Variants in ZFHX4 observed in about 807,000 individuals in gnomAD.
The protein encoded by ZFHX4 is zinc finger homeobox 4, also known as zinc finger homeobox protein 4.
In ZFHX4, 56 loss-of-function variants were observed where a neutral mutation model predicts 267.6. That is an observed-to-expected ratio of 0.21 (90% CI 0.17 to 0.26). ZFHX4 has a LOEUF of 0.26. ZFHX4 is among the 10% of genes least tolerant of loss of function. The pLI is 1.00. For synonymous variants in ZFHX4, 1,778 were observed against 1,665.6 expected, an observed-to-expected ratio of 1.07 and a Z score of -1.64; for missense variants, 4,332 against 4,420.0, an observed-to-expected ratio of 0.98 and a Z score of 0.56.
chr8:76,773,692 A>T (rs558227741), intron 3 of ZFHX4, among the ~76,000 whole-genome samples: 175 of 152,282 alleles, frequency 1.1e-3, no homozygotes, highest in African/African-American at 4.1e-3. Flanking sequence ...ATGTAAAGAT[A>T]TGACTTCACT....
rs751830740 is a variant in ZFHX4, at chr8:76,704,521, T to C, written c.433T>C (p.Ser145Pro). The stretch of plus-strand genomic sequence containing the variant: ...TGGGTCAGCATATATAATTGAGGAC[T>C]CCAAAGAAAGTGGGCAGAATGCACA... ...PDGSAYIIED[S>P]KESGQNAQTG... The change falls in exon 2 of 11, where the codon TCC becomes CCC. Residue 145 changes from serine (S) to proline (P), a missense_variant. Ser to Pro is a moderately conservative substitution (Grantham distance 74). Transcript: ENST00000651372. 8.7e-6 allele frequency: 14 copies of C among 1,613,952 alleles called. No individual in the cohort carries two copies. Among genetic ancestry groups the C allele is most frequent in the Non-Finnish European group, 1.2e-5 (14 of 1,179,888 alleles).
At chr8:76,693,014 A>G (rs2131586306) in intron 1 of ZFHX4, among the ~76,000 whole-genome samples, 1 of 152,338 alleles carries the variant, frequency 6.6e-6, no homozygotes, top group South Asian at 2.1e-4. Flanking sequence ...TAATTCATGT[A>G]GAGAAAGCAA....
In ZFHX4 at chr8:76,780,455, A is replaced by G. The variant is rs918497949; in HGVS notation, c.3325+2016A>G. 2.5e-4 allele frequency among the ~76,000 whole-genome samples: 38 copies of G among 152,190 alleles called. 1 individual carries two copies. Among genetic ancestry groups the G allele is most frequent in the Non-Finnish European group, 5.9e-5 (4 of 68,010 alleles). ...ATATCAGTAGGGAAAAATTCTTGTA[A>G]TAAGGATGATGTTTTAATAACCTAT... On this transcript the variant is annotated intron_variant, in intron 4 of 10. Transcript: ENST00000651372.
rs1229105284 is a variant in ZFHX4 at position 76,853,650 on chromosome 8, C to T, written c.6729C>T (p.Asp2243=). The T allele has an allele frequency of 2.5e-6, 4 of 1,613,566 alleles. No homozygotes were observed. The South Asian group carries it at 4.4e-5, about 18-fold the overall frequency. The stretch of plus-strand genomic sequence containing the variant: ...ACTACCAGCTTAGGGTTCTGCAAGA[C>T]TTTTTTGACACAAACGCTTACCCAA... The part of the protein sequence containing the change: ...FTDYQLRVLQ[D]FFDTNAYPKD... Residue 2243 remains aspartate, a synonymous_variant, in exon 10 of 11, where the codon GAC becomes GAT. Transcript: ENST00000651372.
chr8:76,818,546 C>T (rs559863201), intron 4 of ZFHX4, among the ~76,000 whole-genome samples: 61 of 152,196 alleles, frequency 4.0e-4, no homozygotes, highest in African/African-American at 1.3e-3. Flanking sequence ...AGGCAGAGAG[C>T]TCATTCAAAG....
At chr8:76,757,367 T>C (rs1454085276) in intron 3 of ZFHX4, among the ~76,000 whole-genome samples, 1 of 152,156 alleles carries the variant, frequency 6.6e-6, no homozygotes, top group Non-Finnish European at 1.5e-5. Context: ...TTGTGCCTAG[T>C]TGATTGAGGC....
rs74982915 is a variant in ZFHX4, at chr8:76,691,162, A to G, written c.-47+9542A>G. 1.6e-4 allele frequency among the ~76,000 whole-genome samples: 24 copies of G among 152,204 alleles called. No homozygotes were observed. The East Asian group carries it at 4.6e-3, about 29-fold the overall frequency. The stretch of plus-strand genomic sequence containing the variant: ...GTGGAGATGGTGAAGAGTTGGAAGG[A>G]AAAATGTGCATGATAACCTGTCTTC... On this transcript the variant is annotated intron_variant, in intron 1 of 10. Coordinates refer to ENST00000651372, the MANE Select transcript of ZFHX4 (RefSeq NM_024721.5).
intron 4 of ZFHX4, among the ~76,000 whole-genome samples, chr8:76,780,771 A>G (rs1810525888): frequency 3.3e-5 from 5 of 152,170 alleles, no homozygotes; most frequent in Admixed American, 3.3e-4. Context: ...AAACCCAAGA[A>G]GTAATTTACT....
At position 76,849,141 on chromosome 8, in the gene ZFHX4, T is replaced by C. The variant is rs1309799018; in HGVS notation, c.3645+13T>C. 4 of 1,542,470 alleles carry C rather than the reference T, an allele frequency of 2.6e-6. No individual in the cohort carries two copies. The highest frequency in any genetic ancestry group is 2.8e-5 in the African/African-American group (2 of 72,616). ...CTGTCATGAACAGGTAAATACTTTTTTTCCCCTTTACTGTGTAAATCTTTA... is the reference window on the plus strand; with the variant it reads ...CTGTCATGAACAGGTAAATACTTTTCTTCCCCTTTACTGTGTAAATCTTTA... On this transcript the variant is annotated intron_variant, in intron 7 of 10. Transcript: ENST00000651372.
Position 76,809,937 on chromosome 8 carries a change from A to G in ZFHX4, c.3326-23401A>G, listed in dbSNP as rs749247177. On this transcript the variant is annotated intron_variant, in intron 4 of 10. Coordinates refer to ENST00000651372, the MANE Select transcript of ZFHX4 (RefSeq NM_024721.5). ...AATTATATTTTTATTCCGAAGACCC[A>G]GTCAAAAATGCAAGTCCTATCATTA... Among the ~76,000 whole-genome samples the G allele has an allele frequency of 4.1e-4, 63 of 152,334 alleles. 1 individual carries two copies. The highest frequency in any genetic ancestry group is 3.5e-4 in the Non-Finnish European group (24 of 68,020).
At chr8:76,803,031 G>C (rs1811152874) in intron 4 of ZFHX4, among the ~76,000 whole-genome samples, 1 of 152,062 alleles carries the variant, frequency 6.6e-6, no homozygotes, top group South Asian at 2.1e-4. Context: ...GTGGCTCTGA[G>C]ACCGAAAAGT....
chr8:76,854,121 G>T lies in ZFHX4; in HGVS notation c.7200G>T (p.Glu2400Asp). 1 of 1,613,542 alleles carries T rather than the reference G, an allele frequency of 6.2e-7. No homozygotes were observed. ...PLIPSPKPEP[E>D]KTSPKPEYPA... is the part of the protein sequence containing the mutation. ...TTCCATCACCCAAACCAGAACCTGA[G>T]AAGACTTCTCCAAAACCTGAATATC... The change falls in exon 10 of 11, where the codon GAG becomes GAT. Residue 2400 changes from glutamate (E) to aspartate (D), a missense_variant. This residue lies in a region of ZFHX4 where 1,648 missense variants were observed against 1,625.0 expected (regional missense o/e 1.01). Coordinates refer to ENST00000651372, the MANE Select transcript of ZFHX4 (RefSeq NM_024721.5).
chr8:76,765,167 A>C (rs766277983), intron 3 of ZFHX4, among the ~76,000 whole-genome samples: 1 of 152,112 alleles, frequency 6.6e-6, no homozygotes, highest in Non-Finnish European at 1.5e-5. Flanking sequence ...TAGTAATTCC[A>C]CCTCATTTAG....
In ZFHX4 at chr8:76,705,942, C is replaced by T. The variant is rs1340033536; in HGVS notation, c.1854C>T (p.Cys618=). ...SPGSGIECPK[C]DTVLGSSRSL... is the part of the protein sequence containing the mutation. ...GCAGTGGCATCGAGTGTCCAAAGTG[C>T]GACACTGTGTTGGGGTCTTCGAGGT... The change falls in exon 2 of 11, where the codon TGC becomes TGT. Residue 618 remains cysteine, a synonymous_variant. Transcript: ENST00000651372. 1.2e-6 allele frequency: 2 copies of T among 1,613,168 alleles called. No homozygotes were observed. The highest frequency in any genetic ancestry group is 2.2e-5 in the East Asian group (1 of 44,804).
At chr8:76,767,008 C>G (rs1176434282) in intron 3 of ZFHX4, among the ~76,000 whole-genome samples, 1 of 151,404 alleles carries the variant, frequency 6.6e-6, no homozygotes, top group African/African-American at 2.4e-5. Context: ...TTAAGAGAAT[C>G]AGAATTTGTT....
intron 3 of ZFHX4, among the ~76,000 whole-genome samples, chr8:76,711,949 C>A (rs184778524): frequency 6.6e-6 from 1 of 152,210 alleles, no homozygotes; most frequent in Non-Finnish European, 1.5e-5. Context: ...TGTACTTCGG[C>A]TGCTCTTTTA....
chr8:76,736,501 C>T (rs1809164294), intron 3 of ZFHX4, among the ~76,000 whole-genome samples: 2 of 152,054 alleles, frequency 1.3e-5, no homozygotes, highest in Admixed American at 1.3e-4. Flanking sequence ...GGGCCATATT[C>T]TCTTAGACAA....
At chr8:76,806,281 C>T (rs1168316209) in intron 4 of ZFHX4, among the ~76,000 whole-genome samples, 2 of 152,020 alleles carry the variant, frequency 1.3e-5, no homozygotes, top group African/African-American at 2.4e-5. Context: ...AAGATGATAA[C>T]GAGTGAACAC....
At chr8:76,815,336 CA>C (rs985473390) in intron 4 of ZFHX4, among the ~76,000 whole-genome samples, 1 of 152,116 alleles carries the variant, frequency 6.6e-6, no homozygotes, top group African/African-American at 2.4e-5. Flanking sequence ...AGCTTATAAA[CA>C]ACAGGTGTTT....
Sources: gnomAD v4.1 joint callset for allele counts (sites outside exome capture counted in the v4.1 genomes callset) on GRCh38, gnomAD v4.1.1 for gene constraint, gnomAD v4.1.1 regional missense constraint, MANE v1.5 for transcripts, NCBI Gene and HGNC (gene_info 2026-07-23, HGNC 2026-07-21) for gene names.